Variants in CEP128 observed in about 807,000 individuals in gnomAD.
The protein encoded by CEP128 is centrosomal protein 128.
In CEP128, 132 loss-of-function variants were observed where a neutral mutation model predicts 156.7. The observed-to-expected ratio is 0.84, with a 90% CI of 0.73 to 0.97. The LOEUF (loss-of-function observed/expected upper bound fraction) is 0.97, where lower values mean the gene tolerates loss of function less well. Among genes scored for constraint, CEP128 ranks in the 50% least tolerant of loss-of-function variants. The probability of loss-of-function intolerance (pLI) is 0.00; values close to 1 mark genes in which losing one functional copy is unlikely to be tolerated. For missense variants in CEP128, 1,252 were observed against 1,281.9 expected (o/e 0.98, Z 0.36); for synonymous variants, 469 against 448.9 (o/e 1.04, Z -0.57).
intron 13 of CEP128, among the ~76,000 whole-genome samples, chr14:80,823,521 A>C (rs772965801): frequency 6.6e-6 from 1 of 152,182 alleles, no homozygotes; most frequent in Non-Finnish European, 1.5e-5. Context: ...GTATACTGTT[A>C]ACGACTGTCT....
At chr14:80,861,731 G>C (rs1887521398) in intron 9 of CEP128, among the ~76,000 whole-genome samples, 1 of 152,100 alleles carries the variant, frequency 6.6e-6, no homozygotes, top group African/African-American at 2.4e-5. Flanking sequence ...TACTGTAGTA[G>C]CAAAATTTGA....
chr14:80,678,068 A>ATATATATATATATATG (rs1896161901), intron 19 of CEP128, among the ~76,000 whole-genome samples: 1 of 133,920 alleles, frequency 7.5e-6, no homozygotes, highest in African/African-American at 2.6e-5. Context: ...ATATATGTAT[A>ATATATATATATATATG]TATATATATG....
intron 21 of CEP128, among the ~76,000 whole-genome samples, chr14:80,553,381 T>C (rs1890294253): frequency 6.6e-6 from 1 of 152,188 alleles, no homozygotes; most frequent in Non-Finnish European, 1.5e-5. Context: ...TTAATATTTT[T>C]AATACCATCT....
chr14:80,884,428 G>A (rs749822986), intron 8 of CEP128, among the ~76,000 whole-genome samples: 1 of 152,148 alleles, frequency 6.6e-6, no homozygotes, highest in African/African-American at 2.4e-5. Context: ...ACAGAAGGTG[G>A]GAGAGTTCTT....
chr14:80,704,363 A>G (rs1362574676), intron 19 of CEP128, among the ~76,000 whole-genome samples: 3 of 152,100 alleles, frequency 2.0e-5, no homozygotes, highest in African/African-American at 7.2e-5. Context: ...TATTGTATAT[A>G]AAATGAAGGA....
chr14:80,656,362 A>C (rs1469701009), intron 19 of CEP128, among the ~76,000 whole-genome samples: 2 of 125,050 alleles, frequency 1.6e-5, no homozygotes, highest in African/African-American at 5.8e-5. Context: ...AAAAACAACT[A>C]ATTCAAGCGA....
At chr14:80,877,007 C>T (rs1001726010) in intron 8 of CEP128, among the ~76,000 whole-genome samples, 1 of 152,032 alleles carries the variant, frequency 6.6e-6, no homozygotes, top group Admixed American at 6.6e-5. Context: ...CAATTAAATA[C>T]AAAATTAAAT....
intron 13 of CEP128, 142 bp downstream of exon 13, chr14:80,831,001 T>C: frequency 1.4e-6 from 1 of 708,146 alleles, no homozygotes; most frequent in Non-Finnish European, 2.4e-6. Context: ...TATAAGTAAA[T>C]CAGTCATTAA....
At chr14:80,487,519 A>C (rs1245948320), downstream of CEP128, among the ~76,000 whole-genome samples, 1 of 152,206 alleles carries the variant, frequency 6.6e-6, no homozygotes, top group Non-Finnish European at 1.5e-5. Context: ...CTCTGCACCA[A>C]GTGGACCTAA....
At chr14:80,828,677 T>C (rs1213649128) in intron 13 of CEP128, among the ~76,000 whole-genome samples, 1 of 151,776 alleles carries the variant, frequency 6.6e-6, no homozygotes, top group African/African-American at 2.4e-5. Flanking sequence ...TGGAGCTGAG[T>C]AGGGAAGTTT....
chr14:80,792,704 T>A, intron 14 of CEP128, 56 bp downstream of exon 14: 4 of 1,406,984 alleles, frequency 2.8e-6, no homozygotes, highest in Non-Finnish European at 4.0e-6. Flanking sequence ...AAAGGATAGA[T>A]GAATGAATGG....
chr14:80,838,066 G>A (rs1311628661), intron 11 of CEP128, 138 bp downstream of exon 11: 20 of 585,234 alleles, frequency 3.4e-5, no homozygotes, highest in Non-Finnish European at 4.8e-5. Context: ...CTTTGCTTAG[G>A]TGTGCTAATA....
chr14:80,562,400 G>A (rs1384092522), intron 20 of CEP128, among the ~76,000 whole-genome samples: 1 of 152,088 alleles, frequency 6.6e-6, no homozygotes, highest in African/African-American at 2.4e-5. Flanking sequence ...AGCCATTGTA[G>A]TCAATTACTG....
chr14:80,894,838 T>C (rs576953760), intron 8 of CEP128, among the ~76,000 whole-genome samples: 6 of 151,944 alleles, frequency 3.9e-5, no homozygotes, highest in Non-Finnish European at 8.8e-5. Flanking sequence ...ATTCAGCCAA[T>C]AAATTCAAAC....
chr14:80,783,447 C>G (rs1901232453), intron 15 of CEP128, among the ~76,000 whole-genome samples: 1 of 152,038 alleles, frequency 6.6e-6, no homozygotes, highest in Non-Finnish European at 1.5e-5. Flanking sequence ...AAAATAATAC[C>G]ACACAATCTG....
chr14:80,831,070 T>C, intron 13 of CEP128, 73 bp downstream of exon 13: 9 of 1,335,818 alleles, frequency 6.7e-6, no homozygotes, highest in Non-Finnish European at 9.7e-6. Context: ...ATCTTTATAT[T>C]AAAATTTCAT....
chr14:80,494,330 G>A (rs1434943593), downstream of CEP128, among the ~76,000 whole-genome samples: 1 of 152,132 alleles, frequency 6.6e-6, no homozygotes, highest in Non-Finnish European at 1.5e-5. Flanking sequence ...TTTAAATTGA[G>A]AGAAAACACT....
chr14:80,843,497 G>A (rs1886444863), intron 9 of CEP128, among the ~76,000 whole-genome samples: 2 of 151,954 alleles, frequency 1.3e-5, no homozygotes, highest in Admixed American at 1.3e-4. Context: ...TTACTTGAAG[G>A]TACAAACTAT....
intron 21 of CEP128, among the ~76,000 whole-genome samples, chr14:80,553,914 G>A (rs1212023885): frequency 6.6e-6 from 1 of 152,182 alleles, no homozygotes; most frequent in Non-Finnish European, 1.5e-5. Flanking sequence ...AACAGAAGTT[G>A]TGGAATAGCA....
Sources: allele counts gnomAD v4.1 joint callset (sites outside exome capture counted in the v4.1 genomes callset), GRCh38; gene constraint gnomAD v4.1.1; transcripts MANE v1.5; gene names NCBI Gene and HGNC (gene_info 2026-07-23, HGNC 2026-07-21).